Variants in ADARB2 observed in about 807,000 individuals in gnomAD.
ADARB2 encodes inactive double-stranded RNA-specific editase B2.
Under a neutral mutation model 62.2 loss-of-function variants are expected in ADARB2, and 25 were observed. The observed-to-expected ratio is 0.40, with a 90% CI of 0.29 to 0.56. The LOEUF is 0.56. Ranked by LOEUF, ADARB2 falls within the 20% of genes least tolerant of loss-of-function variation. The pLI is 0.43. For missense variants in ADARB2, 1,071 were observed against 1,077.4 expected, an observed-to-expected ratio of 0.99 and a Z score of 0.08; for synonymous variants, 572 against 500.8, an observed-to-expected ratio of 1.14 and a Z score of -1.90.
At chr10:1,384,793 AG>A (rs1357104548) in intron 1 of ADARB2, among the ~76,000 whole-genome samples, 1 of 152,198 alleles carries the variant, frequency 6.6e-6, no homozygotes, top group Non-Finnish European at 1.5e-5. Context: ...GCTGCTTCAG[AG>A]ATCTGGTGGG....
chr10:1,367,289 G>T (rs771594579), intron 2 of ADARB2, among the ~76,000 whole-genome samples: 4 of 152,194 alleles, frequency 2.6e-5, no homozygotes, highest in Non-Finnish European at 5.9e-5. Context: ...CTTTGAAAGT[G>T]CTCTCTGTTT....
chr10:1,582,730 C>T (rs1221253900), intron 1 of ADARB2, among the ~76,000 whole-genome samples: 1 of 152,198 alleles, frequency 6.6e-6, no homozygotes, highest in Non-Finnish European at 1.5e-5. Context: ...GCTGCTCAAG[C>T]TCCTCTCACC....
At chr10:1,466,795 G>A (rs1831260470) in intron 1 of ADARB2, among the ~76,000 whole-genome samples, 1 of 152,162 alleles carries the variant, frequency 6.6e-6, no homozygotes, top group African/African-American at 2.4e-5. Context: ...CACGTTCCCC[G>A]TGACATGGGA....
chr10:1,572,034 AGT>A (rs1402632505), intron 1 of ADARB2, among the ~76,000 whole-genome samples: 1 of 137,324 alleles, frequency 7.3e-6, no homozygotes, highest in East Asian at 2.2e-4. Flanking sequence ...TAGGCAAGTG[AGT>A]GTGCAGGTGA....
At chr10:1,639,868 CA>C (rs113289012) in intron 1 of ADARB2, among the ~76,000 whole-genome samples, 2 of 117,736 alleles carry the variant, frequency 1.7e-5, no homozygotes, top group South Asian at 2.7e-4. Flanking sequence ...CAAAGCAAAA[CA>C]AAACAAACAA....
rs549086917 is a variant in ADARB2 at position 1,344,175 on chromosome 10, G to T, written c.1077+18853C>A. 2.0e-5 allele frequency among the ~76,000 whole-genome samples: 3 copies of T among 152,102 alleles called. No individual in the cohort carries two copies. The South Asian group carries it at 6.2e-4, about 32-fold the overall frequency. On this transcript the variant is annotated intron_variant, in intron 3 of 9. Transcript: ENST00000381312. The stretch of plus-strand genomic sequence containing the variant: ...TTGGGTCCCATTTCTGTAAGATAAC[G>T]GACAGGGTCAATGTTTCTAAAATTC...
intron 3 of ADARB2, among the ~76,000 whole-genome samples, chr10:1,280,137 TC>T (rs552860820): frequency 7.2e-4 from 109 of 152,210 alleles, no homozygotes; most frequent in Non-Finnish European, 1.3e-3. Flanking sequence ...AGAACACTAA[TC>T]CCATCAGATC....
Position 1,477,859 on chromosome 10 carries a change from G to A in ADARB2, c.101-98699C>T, listed in dbSNP as rs1210110947. Among the ~76,000 whole-genome samples the A allele has an allele frequency of 1.3e-5, 2 of 152,222 alleles. No homozygotes were observed. The highest frequency in any genetic ancestry group is 1.5e-5 in the Non-Finnish European group (1 of 68,034). On this transcript the variant is annotated intron_variant, in intron 1 of 9. Transcript: ENST00000381312. This position sits in a 1 kb window ranked among gnomAD's most constrained non-coding sequence, Gnocchi z 4.5. Reference sequence around the variant, plus strand: ...CCTGTGGCGGGCAGGTGCCTCCCCAGAACGCTTCTCACAGGTGCACTGGGA... The same window carrying A: ...CCTGTGGCGGGCAGGTGCCTCCCCAAAACGCTTCTCACAGGTGCACTGGGA...
At chr10:1,736,886 T>C (rs896185020) in intron 1 of ADARB2, among the ~76,000 whole-genome samples, 165 bp downstream of exon 1, 2 of 152,176 alleles carry the variant, frequency 1.3e-5, no homozygotes, top group Non-Finnish European at 2.9e-5. Context: ...CCCAGACATT[T>C]CCACGGGATC....
chr10:1,415,815 T>C (rs1832796971), intron 1 of ADARB2, among the ~76,000 whole-genome samples: 1 of 152,230 alleles, frequency 6.6e-6, no homozygotes, highest in South Asian at 2.1e-4. Flanking sequence ...AATTATCACT[T>C]TCTCAATTGC....
intron 1 of ADARB2, among the ~76,000 whole-genome samples, chr10:1,391,929 T>G (rs765998847): frequency 6.6e-6 from 1 of 151,800 alleles, no homozygotes; most frequent in Non-Finnish European, 1.5e-5. Flanking sequence ...CCATGCCTGG[T>G]TAATTTTTAT....
chr10:1,505,110 GAC>G (rs139223328), intron 1 of ADARB2, among the ~76,000 whole-genome samples: 1 of 151,062 alleles, frequency 6.6e-6, no homozygotes, highest in Non-Finnish European at 1.5e-5. Context: ...TGCACACACA[GAC>G]ACACACAACA....
intron 3 of ADARB2, among the ~76,000 whole-genome samples, chr10:1,354,825 G>C (rs1488634724): frequency 6.6e-6 from 1 of 152,232 alleles, no homozygotes; most frequent in Non-Finnish European, 1.5e-5. Flanking sequence ...CAAAGGAAGG[G>C]GGCTCAGCCA....
chr10:1,569,135 A>G (rs891119189), intron 1 of ADARB2, among the ~76,000 whole-genome samples: 3 of 151,584 alleles, frequency 2.0e-5, no homozygotes, highest in Non-Finnish European at 4.4e-5. Flanking sequence ...AGACAAAGAG[A>G]GAGACAGAGA....
chr10:1,657,193 T>A lies in ADARB2; in HGVS notation c.100+79858A>T, dbSNP rs189812625. On this transcript the variant is annotated intron_variant, in intron 1 of 9. Coordinates refer to ENST00000381312, the MANE Select transcript of ADARB2 (RefSeq NM_018702.4). Reference sequence around the variant, plus strand: ...GAGTCTCCAGGTGGCCAATTTCTTCTGATCTAGATTTTCAAAAAAGTATGA... The same window carrying A: ...GAGTCTCCAGGTGGCCAATTTCTTCAGATCTAGATTTTCAAAAAAGTATGA... 4.1e-3 allele frequency among the ~76,000 whole-genome samples: 617 copies of A among 152,322 alleles called. 5 individuals carry two copies. Among genetic ancestry groups the A allele is most frequent in the African/African-American group, 0.014 (583 of 41,582 alleles).
At chr10:1,515,906 T>C (rs987837217) in intron 1 of ADARB2, among the ~76,000 whole-genome samples, 2 of 152,254 alleles carry the variant, frequency 1.3e-5, no homozygotes, top group Non-Finnish European at 1.5e-5. Context: ...ACAGTGCCAC[T>C]ATCACCTCTC....
At chr10:1,218,308 C>T (rs564979321) in intron 6 of ADARB2, among the ~76,000 whole-genome samples, 8 of 152,298 alleles carry the variant, frequency 5.3e-5, no homozygotes, top group Admixed American at 5.2e-4. Context: ...ACCTCCGCCT[C>T]CCAAAGTGCT....
rs145979448 is a variant in ADARB2 at position 1,328,085 on chromosome 10, C to T, written c.1077+34943G>A. On this transcript the variant is annotated intron_variant, in intron 3 of 9. Transcript: ENST00000381312. ...CGAGGAAGCCTTACAGTAACCCAGT[C>T]GGGAAATGGTGGGACCCACATGAAG... is the stretch of plus-strand genomic sequence containing the variant. Among the ~76,000 whole-genome samples the T allele has an allele frequency of 9.7e-3, 1,151 of 118,242 alleles. 21 individuals are homozygous for T. The highest frequency in any genetic ancestry group is 0.033 in the African/African-American group (1,040 of 31,992). 77.6% of individuals were successfully genotyped at this position (118,242 alleles called of 152,430 possible). A position where few individuals can be genotyped will look rare whatever the true frequency, so the allele number is the denominator to read the frequency against.
intron 6 of ADARB2, among the ~76,000 whole-genome samples, chr10:1,229,148 C>G (rs1489110877): frequency 6.6e-6 from 1 of 152,196 alleles, no homozygotes; most frequent in Non-Finnish European, 1.5e-5. Context: ...GCATTGATAC[C>G]ATGTCTGAGG....
Sources: allele counts gnomAD v4.1 joint callset (sites outside exome capture counted in the v4.1 genomes callset), GRCh38; gene constraint gnomAD v4.1.1; non-coding constraint Gnocchi (gnomAD v3.1); transcripts MANE v1.5; gene names NCBI Gene and HGNC (gene_info 2026-07-23, HGNC 2026-07-21).